The following OSBPL8 variants were observed in gnomAD, a reference collection of about 807,000 sequenced individuals.
OSBPL8 encodes the protein oxysterol-binding protein-related protein 8.
Under a neutral mutation model 125.5 loss-of-function variants are expected in OSBPL8, and 59 were observed. That is an observed-to-expected ratio of 0.47 (90% confidence interval 0.38 to 0.58). The LOEUF (loss-of-function observed/expected upper bound fraction) is 0.58. Ranked by LOEUF, OSBPL8 falls within the 20% of genes least tolerant of loss-of-function variation. The pLI is 0.00. For missense variants in OSBPL8, 758 were observed against 1,047.8 expected, an observed-to-expected ratio of 0.72 and a Z score of 3.82; for synonymous variants, 330 against 338.9, an observed-to-expected ratio of 0.97 and a Z score of 0.29.
intron 4 of OSBPL8, among the ~76,000 whole-genome samples, chr12:76,419,561 T>C (rs1869205899): frequency 6.6e-6 from 1 of 152,204 alleles, no homozygotes; most frequent in East Asian, 1.9e-4. Context: ...ATGGTTCAGT[T>C]TCTCCAATGG....
chr12:76,536,431 A>G (rs1950500282), intron 1 of OSBPL8, among the ~76,000 whole-genome samples: 1 of 152,222 alleles, frequency 6.6e-6, no homozygotes, highest in Non-Finnish European at 1.5e-5. Flanking sequence ...TTGTCTGTAA[A>G]AATGGGAATA....
intron 1 of OSBPL8, among the ~76,000 whole-genome samples, chr12:76,549,572 A>C (rs765102120): frequency 1.4e-4 from 21 of 152,046 alleles, no homozygotes; most frequent in Non-Finnish European, 2.5e-4. Flanking sequence ...CACCATGCCC[A>C]GCTAATTTTT....
chr12:76,376,576 T>C (rs1411628097), intron 16 of OSBPL8, among the ~76,000 whole-genome samples: 1 of 152,210 alleles, frequency 6.6e-6, no homozygotes, highest in African/African-American at 2.4e-5. Context: ...AAGTAGCGCA[T>C]GGATATCTAC....
Position 76,468,554 on chromosome 12 carries a change from T to G in OSBPL8, c.43-8659A>C, listed in dbSNP as rs968647629. 7.9e-5 allele frequency among the ~76,000 whole-genome samples: 12 copies of G among 152,338 alleles called. No homozygotes were observed. The East Asian group carries it at 2.1e-3, about 27-fold the overall frequency. On this transcript the variant is annotated intron_variant, in intron 2 of 23. Coordinates refer to ENST00000261183, the MANE Select transcript of OSBPL8 (RefSeq NM_020841.5). ...CTATTTTGTTCACTGCAATATCTCT[T>G]AAAACTAGAACAGAGCTTTGCGCCA...
intron 15 of OSBPL8, among the ~76,000 whole-genome samples, chr12:76,382,234 T>C (rs1025352915): frequency 1.3e-5 from 2 of 152,246 alleles, no homozygotes; most frequent in South Asian, 4.1e-4. Flanking sequence ...TGTTCCTTGA[T>C]TGGGCTTTCC....
intron 1 of OSBPL8, among the ~76,000 whole-genome samples, chr12:76,543,114 T>A (rs1950691623): frequency 6.6e-6 from 1 of 151,772 alleles, no homozygotes; most frequent in Non-Finnish European, 1.5e-5. Flanking sequence ...TTACTGTCGA[T>A]CTTCTACCAC....
At chr12:76,356,360 C>A (rs1450630013) in intron 23 of OSBPL8, among the ~76,000 whole-genome samples, 1 of 152,138 alleles carries the variant, frequency 6.6e-6, no homozygotes, top group Non-Finnish European at 1.5e-5. Flanking sequence ...TGCAACCCAG[C>A]TACATTCCTA....
chr12:76,505,628 ACT>A (rs1880335566), intron 1 of OSBPL8, among the ~76,000 whole-genome samples: 2 of 152,056 alleles, frequency 1.3e-5, no homozygotes, highest in Non-Finnish European at 2.9e-5. Flanking sequence ...CATTGAAATG[ACT>A]CTGAGTCAAG....
chr12:76,490,985 G>A (rs1214851771), intron 1 of OSBPL8, among the ~76,000 whole-genome samples: 4 of 152,166 alleles, frequency 2.6e-5, no homozygotes, highest in East Asian at 3.9e-4. Context: ...TGCAAGGGGT[G>A]GAACACAGCA....
At chr12:76,526,081 T>A in intron 1 of OSBPL8, among the ~76,000 whole-genome samples, 1 of 152,204 alleles carries the variant, frequency 6.6e-6, no homozygotes, top group Admixed American at 6.5e-5. Context: ...ACATGAAAAG[T>A]TCATTTGTGT....
At chr12:76,372,419 G>A (rs1952655470) in intron 18 of OSBPL8, among the ~76,000 whole-genome samples, 1 of 151,810 alleles carries the variant, frequency 6.6e-6, no homozygotes, top group Non-Finnish European at 1.5e-5. Context: ...ATGTCACCCA[G>A]GCTGATCTCA....
intron 15 of OSBPL8, among the ~76,000 whole-genome samples, chr12:76,379,445 T>C (rs1381351309): frequency 6.6e-6 from 1 of 152,176 alleles, no homozygotes; most frequent in Non-Finnish European, 1.5e-5. Flanking sequence ...GTTTTGGAAA[T>C]TGCAGAGTCA....
intron 4 of OSBPL8, 22 bp downstream of exon 4, chr12:76,450,829 C>G: frequency 6.3e-7 from 1 of 1,582,026 alleles, no homozygotes; most frequent in African/African-American, 1.4e-5. Flanking sequence ...CAAGACAAAA[C>G]ATGAAAACCA....
chr12:76,359,850 A>C (rs1421543965), intron 21 of OSBPL8, among the ~76,000 whole-genome samples: 1 of 152,132 alleles, frequency 6.6e-6, no homozygotes, highest in Non-Finnish European at 1.5e-5. Flanking sequence ...AGTCCCTCCC[A>C]CAACACGTGG....
intron 3 of OSBPL8, among the ~76,000 whole-genome samples, chr12:76,456,187 A>T (rs1338247291): frequency 6.6e-6 from 1 of 152,216 alleles, no homozygotes; most frequent in African/African-American, 2.4e-5. Flanking sequence ...AATTTTTTAA[A>T]GTCATAAATA....
chr12:76,381,113 A>G (rs1014448550), intron 15 of OSBPL8, among the ~76,000 whole-genome samples: 7 of 152,124 alleles, frequency 4.6e-5, no homozygotes, highest in Non-Finnish European at 1.0e-4. Context: ...TGATACCTTT[A>G]TTTATATGTC....
At chr12:76,406,337 T>C (rs2136387239) in intron 5 of OSBPL8, among the ~76,000 whole-genome samples, 1 of 152,306 alleles carries the variant, frequency 6.6e-6, no homozygotes, top group Non-Finnish European at 1.5e-5. Flanking sequence ...ATGTATATTT[T>C]AAAGCAAGTA....
chr12:76,422,632 T>C (rs1565884837), intron 4 of OSBPL8: 1 of 456,546 alleles, frequency 2.2e-6, no homozygotes, highest in Non-Finnish European at 4.4e-6. Flanking sequence ...AAAATCTACG[T>C]TGTGAGCTCT....
chr12:76,491,189 G>T (rs1038796080), intron 1 of OSBPL8, among the ~76,000 whole-genome samples: 3 of 151,860 alleles, frequency 2.0e-5, no homozygotes, highest in African/African-American at 7.3e-5. Flanking sequence ...ACTTCAAAAA[G>T]AAAAAAAGAT....
Sources: allele counts gnomAD v4.1 joint callset (sites outside exome capture counted in the v4.1 genomes callset), GRCh38; gene constraint gnomAD v4.1.1; transcripts MANE v1.5; gene names NCBI Gene and HGNC (gene_info 2026-07-23, HGNC 2026-07-21).